The following NR3C1 variants were observed in gnomAD, a reference collection of about 807,000 sequenced individuals.
The protein encoded by NR3C1 is nuclear receptor subfamily 3 group C member 1.
Under a neutral mutation model 74.0 loss-of-function variants are expected in NR3C1, and 14 were observed. That is an observed-to-expected ratio of 0.19 (90% confidence interval 0.12 to 0.30). The LOEUF (loss-of-function observed/expected upper bound fraction) is 0.30. Among genes scored for constraint, NR3C1 ranks in the 10% least tolerant of loss-of-function variants. The probability of loss-of-function intolerance (pLI) is 1.00; values close to 1 mark genes in which losing one functional copy is unlikely to be tolerated. For synonymous variants in NR3C1, 308 were observed against 332.5 expected (o/e 0.93, Z 0.80); for missense variants, 695 against 909.8 (o/e 0.76, Z 3.04).
At chr5:143,314,303 T>G (rs535273370) in intron 2 of NR3C1, 135 bp from the exon 3 acceptor site, 1 of 839,098 alleles carries the variant, frequency 1.2e-6, no homozygotes, top group East Asian at 2.7e-5. Context: ...CACTAAAATA[T>G]CCTAGCTAAA....
At chr5:143,375,833 A>G (rs1254464429) in intron 2 of NR3C1, 1 of 152,190 alleles carries the variant, frequency 6.6e-6, no homozygotes. Flanking sequence ...TTTTTTAAAA[A>G]CTAGGGGAAA....
chr5:143,294,315 A>G (rs1481627824), intron 7 of NR3C1: 1 of 936,162 alleles, frequency 1.1e-6, no homozygotes, highest in Non-Finnish European at 1.3e-6. Flanking sequence ...TCAGCTATTA[A>G]CTCAGTATTT....
chr5:143,327,718 A>G (rs998962478), intron 2 of NR3C1, among the ~76,000 whole-genome samples: 5 of 152,196 alleles, frequency 3.3e-5, no homozygotes, highest in African/African-American at 1.2e-4. Context: ...CAGCCCTTAA[A>G]TCTAAAAGCT....
chr5:143,285,942 A>T (rs1425094845), intron 7 of NR3C1, among the ~76,000 whole-genome samples: 2 of 151,464 alleles, frequency 1.3e-5, no homozygotes, highest in Non-Finnish European at 2.9e-5. Context: ...AACATTGGTA[A>T]AACTGAAAAA....
At chr5:143,432,131 T>C (rs1751862300) in intron 1 of NR3C1, among the ~76,000 whole-genome samples, 1 of 152,180 alleles carries the variant, frequency 6.6e-6, no homozygotes, top group African/African-American at 2.4e-5. Context: ...GCCACTAGAA[T>C]ACCTGGGACT....
At chr5:143,408,324 TA>T (rs1456646193), upstream of NR3C1, among the ~76,000 whole-genome samples, 2 of 152,248 alleles carry the variant, frequency 1.3e-5, no homozygotes, top group African/African-American at 4.8e-5. Context: ...TACTGATTTA[TA>T]AAGATTAAAC....
Position 143,281,481 on chromosome 5 carries a change from G to T in NR3C1, c.*408C>A, listed in dbSNP as rs138959389. 1.8e-5 allele frequency: 4 copies of T among 228,216 alleles called. No individual in the cohort carries two copies. The highest frequency in any genetic ancestry group is 6.0e-5 in the South Asian group (1 of 16,612). 14.1% of individuals were successfully genotyped at this position (228,216 alleles called of 1,614,324 possible). A position where few individuals can be genotyped will look rare whatever the true frequency, so the allele number is the denominator to read the frequency against. Reference sequence around the variant, plus strand: ...CAAAAATGCTATCCTAACTATACAGGGGGGGGATACACCAACAGAAAGTCT... The same window carrying T: ...CAAAAATGCTATCCTAACTATACAGTGGGGGGATACACCAACAGAAAGTCT... On this transcript the variant is annotated 3_prime_UTR_variant, in exon 9 of 9. Transcript: ENST00000394464.
At chr5:143,403,978 G>T (rs1255744944), upstream of NR3C1, 10 of 984,622 alleles carry the variant, frequency 1.0e-5, no homozygotes, top group Non-Finnish European at 1.2e-5. Flanking sequence ...GCAGCGGCGG[G>T]GGCCGACCTG....
intron 2 of NR3C1, among the ~76,000 whole-genome samples, chr5:143,392,924 C>T (rs1184110910): frequency 2.0e-5 from 3 of 152,122 alleles, no homozygotes; most frequent in African/African-American, 7.2e-5. Context: ...ACTTAGATAA[C>T]TAAGAATTGA....
intron 2 of NR3C1, among the ~76,000 whole-genome samples, chr5:143,353,587 G>C (rs1830587486): frequency 3.3e-5 from 5 of 152,082 alleles, no homozygotes; most frequent in Admixed American, 2.6e-4. Flanking sequence ...AGAGCTCTTG[G>C]GTGAGCCCAG....
chr5:143,303,159 G>A (rs1320357172), intron 4 of NR3C1, among the ~76,000 whole-genome samples: 1 of 133,462 alleles, frequency 7.5e-6, no homozygotes, highest in Admixed American at 8.9e-5. Flanking sequence ...GCACCTCTAT[G>A]CACACAAAGT....
In NR3C1 at chr5:143,373,466, G is replaced by T. The variant is rs75423925; in HGVS notation, c.1184+26190C>A. Among the ~76,000 whole-genome samples, 154 of 149,440 alleles carry T rather than the reference G, an allele frequency of 1.0e-3. 3 individuals are homozygous for T. The East Asian group carries it at 0.023, about 22-fold the overall frequency. On this transcript the variant is annotated intron_variant, in intron 2 of 8. Coordinates refer to ENST00000394464, the MANE Select transcript of NR3C1 (RefSeq NM_000176.3). The stretch of plus-strand genomic sequence containing the variant: ...TTATAAAGACTACATTTATCGGGGG[G>T]TGGGGGGCTAGGGGAGGGATAGCAT...
intron 2 of NR3C1, among the ~76,000 whole-genome samples, chr5:143,398,885 G>A (rs775699631): frequency 5.3e-5 from 8 of 151,998 alleles, no homozygotes; most frequent in Non-Finnish European, 1.2e-4. Context: ...AAAATCAAAC[G>A]AAAGCTGAAA....
chr5:143,342,219 A>G (rs1043283403), intron 2 of NR3C1, among the ~76,000 whole-genome samples: 3 of 152,168 alleles, frequency 2.0e-5, no homozygotes, highest in African/African-American at 7.2e-5. Context: ...TTTTATGATC[A>G]TACTATAATG....
chr5:143,326,709 G>A (rs1319665045), intron 2 of NR3C1, among the ~76,000 whole-genome samples: 1 of 152,010 alleles, frequency 6.6e-6, no homozygotes, highest in Non-Finnish European at 1.5e-5. Context: ...ATCAAATTGG[G>A]CATACATGAT....
At chr5:143,342,582 T>C (rs1037167916) in intron 2 of NR3C1, among the ~76,000 whole-genome samples, 1 of 152,196 alleles carries the variant, frequency 6.6e-6, no homozygotes, top group Non-Finnish European at 1.5e-5. Context: ...CATAGCAGTA[T>C]GAGAATATGT....
At chr5:143,435,217 C>G in exon 1 of NR3C1, 2 of 985,522 alleles carry the variant, frequency 2.0e-6, no homozygotes, top group South Asian at 9.4e-5. Flanking sequence ...CTTTCTGTTT[C>G]TATTCCTTCC....
chr5:143,429,012 T>C (rs1240871610), intron 1 of NR3C1, among the ~76,000 whole-genome samples: 1 of 152,226 alleles, frequency 6.6e-6, no homozygotes, highest in African/African-American at 2.4e-5. Flanking sequence ...GATACAGGCA[T>C]ACTCTTATCA....
chr5:143,366,577 A>C (rs950208198), intron 2 of NR3C1, among the ~76,000 whole-genome samples: 1 of 151,486 alleles, frequency 6.6e-6, no homozygotes, highest in African/African-American at 2.4e-5. Context: ...CTGACCAAGA[A>C]AAAAAAGGAG....
Sources: allele counts gnomAD v4.1 joint callset (sites outside exome capture counted in the v4.1 genomes callset), GRCh38; gene constraint gnomAD v4.1.1; transcripts MANE v1.5; gene names NCBI Gene and HGNC (gene_info 2026-07-23, HGNC 2026-07-21).